Variants in NUTF2 observed in about 807,000 individuals in gnomAD.
NUTF2 encodes placental protein 15.
NUTF2 carries 3 observed loss-of-function variants against 18.5 expected under a neutral mutation model. That is an observed-to-expected ratio of 0.16 (90% CI 0.07 to 0.42). The LOEUF is 0.42. Ranked by LOEUF, NUTF2 falls within the 10% of genes least tolerant of loss-of-function variation. The pLI, the probability that NUTF2 is intolerant of heterozygous loss-of-function variation, is 0.99. For synonymous variants in NUTF2, 51 were observed against 57.9 expected (o/e 0.88, Z 0.54); for missense variants, 44 against 160.7 (o/e 0.27, Z 3.93).
chr16:67,850,267 C>T (rs1356412670), intron 1 of NUTF2, among the ~76,000 whole-genome samples: 4 of 150,212 alleles, frequency 2.7e-5, no homozygotes, highest in Admixed American at 2.7e-4. Context: ...TGCAGTGGCG[C>T]GATCTCGGCT....
intron 4 of NUTF2, among the ~76,000 whole-genome samples, chr16:67,869,615 G>T (rs1387672710): frequency 2.0e-5 from 3 of 151,544 alleles, no homozygotes; most frequent in Admixed American, 6.6e-5. Flanking sequence ...GAGAAACCCT[G>T]TCTCTACTAA....
At chr16:67,853,948 G>A (rs1229635715) in intron 1 of NUTF2, among the ~76,000 whole-genome samples, 2 of 152,000 alleles carry the variant, frequency 1.3e-5, no homozygotes, top group East Asian at 3.9e-4. Flanking sequence ...CGCCTGGCCT[G>A]TTGTGCATGG....
intron 1 of NUTF2, among the ~76,000 whole-genome samples, chr16:67,859,605 G>A (rs1166772334): frequency 2.0e-5 from 3 of 151,798 alleles, no homozygotes; most frequent in African/African-American, 4.8e-5. Flanking sequence ...TGATCCACCC[G>A]CCTCAGCCTC....
intron 1 of NUTF2, among the ~76,000 whole-genome samples, chr16:67,853,572 G>C (rs1213005184): frequency 6.6e-6 from 1 of 152,088 alleles, no homozygotes; most frequent in Non-Finnish European, 1.5e-5. Context: ...TGGCCAGGCT[G>C]GTCTCGAACT....
Position 67,871,150 on chromosome 16 carries a change from C to A in NUTF2, c.*237C>A. ...ATGCCTTGGAAAGACTTAAGTAATG[C>A]AAAAGGTTGTCCTTTTTTTTTTTTT... On this transcript the variant is annotated 3_prime_UTR_variant, in exon 5 of 5. Transcript: ENST00000219169. 6.2e-6 allele frequency: 2 copies of A among 320,614 alleles called. No individual in the cohort carries two copies. Among genetic ancestry groups the A allele is most frequent in the East Asian group, 4.9e-5 (1 of 20,220 alleles). 19.9% of individuals were successfully genotyped at this position (320,614 alleles called of 1,614,324 possible). A position where few individuals can be genotyped will look rare whatever the true frequency, so the allele number is the denominator to read the frequency against.
intron 1 of NUTF2, among the ~76,000 whole-genome samples, chr16:67,850,204 ACTT>A (rs1437045811): frequency 1.5e-4 from 22 of 145,688 alleles, no homozygotes; most frequent in South Asian, 4.2e-4. Context: ...GTTCCCTGTA[ACTT>A]CTTTTTTTTT....
chr16:67,864,509 C>CAAAA (rs572931294), intron 1 of NUTF2, among the ~76,000 whole-genome samples: 31 of 52,846 alleles, frequency 5.9e-4, no homozygotes, highest in Middle Eastern at 8.9e-3. Context: ...AACTCTGTCT[C>CAAAA]AAAAAAAAAA....
intron 2 of NUTF2, among the ~76,000 whole-genome samples, chr16:67,866,010 G>A (rs1419387156): frequency 6.6e-6 from 1 of 152,052 alleles, no homozygotes; most frequent in Non-Finnish European, 1.5e-5. Context: ...GAGCCACTGC[G>A]CCCGGCATTT....
chr16:67,849,245 T>C (rs1292546151), intron 1 of NUTF2, among the ~76,000 whole-genome samples: 1 of 152,248 alleles, frequency 6.6e-6, no homozygotes, highest in Non-Finnish European at 1.5e-5. Flanking sequence ...GTAGATTGTC[T>C]GCGTGGGTAC....
intron 1 of NUTF2, among the ~76,000 whole-genome samples, chr16:67,849,857 A>G (rs1197591787): frequency 6.6e-6 from 1 of 151,608 alleles, no homozygotes; most frequent in East Asian, 1.9e-4. Flanking sequence ...ACGGGGTTTC[A>G]CCGTGTTAGC....
chr16:67,863,018 G>A (rs1048158530), intron 1 of NUTF2, among the ~76,000 whole-genome samples: 2 of 152,126 alleles, frequency 1.3e-5, no homozygotes, highest in Non-Finnish European at 2.9e-5. Flanking sequence ...GCAGGGTCAG[G>A]GCACATTGAG....
intron 1 of NUTF2, chr16:67,847,649 G>C (rs2057816120): frequency 6.6e-6 from 1 of 152,376 alleles, no homozygotes; most frequent in Non-Finnish European, 1.5e-5. Context: ...GAGGCGGGAG[G>C]GGATTCCACG....
intron 1 of NUTF2, among the ~76,000 whole-genome samples, chr16:67,864,768 C>T (rs767943647): frequency 4.6e-5 from 7 of 152,190 alleles, no homozygotes; most frequent in African/African-American, 1.7e-4. Flanking sequence ...CATAAGGCCC[C>T]TCCCCTTACT....
intron 1 of NUTF2, among the ~76,000 whole-genome samples, chr16:67,852,488 C>CGG (rs2057867399): frequency 4.6e-5 from 7 of 151,704 alleles, no homozygotes; most frequent in African/African-American, 1.7e-4. Flanking sequence ...TTCCGAGTGG[C>CGG]TGGGATTATA....
chr16:67,865,600 G>C (rs900216670), intron 2 of NUTF2, among the ~76,000 whole-genome samples: 2 of 152,160 alleles, frequency 1.3e-5, no homozygotes, highest in African/African-American at 2.4e-5. Flanking sequence ...TGGAGGCCTG[G>C]GGTCCAGCTT....
chr16:67,856,118 C>T (rs2057894998), intron 1 of NUTF2: 3 of 463,040 alleles, frequency 6.5e-6, no homozygotes, highest in Non-Finnish European at 1.2e-5. Flanking sequence ...GTTCTTGTAA[C>T]ACCTGATTTT....
intron 4 of NUTF2, 111 bp downstream of exon 4, chr16:67,868,710 G>A: frequency 9.9e-7 from 1 of 1,014,000 alleles, no homozygotes; most frequent in Non-Finnish European, 1.5e-6. Flanking sequence ...CAGACAAAGT[G>A]ACTGTCTAGA....
chr16:67,856,194 T>G (rs574154485), intron 1 of NUTF2: 112 of 307,214 alleles, frequency 3.6e-4, no homozygotes, highest in African/African-American at 8.5e-4. Flanking sequence ...CCAGTTTTTT[T>G]TTGTTGTTGT....
intron 1 of NUTF2, among the ~76,000 whole-genome samples, chr16:67,860,388 C>T (rs776803042): frequency 1.1e-4 from 16 of 152,194 alleles, no homozygotes; most frequent in Middle Eastern, 6.3e-3. Context: ...GATCTTCCCA[C>T]CTCAGCCTCC....
Sources: allele counts gnomAD v4.1 joint callset (sites outside exome capture counted in the v4.1 genomes callset), GRCh38; gene constraint gnomAD v4.1.1; transcripts MANE v1.5; gene names NCBI Gene and HGNC (gene_info 2026-07-23, HGNC 2026-07-21).